SERPINB9: variants seen among roughly 807,000 people sequenced by gnomAD.
SERPINB9 encodes the protein serpin family B member 9, also known as serpin B9.
Under a neutral mutation model 27.2 loss-of-function variants are expected in SERPINB9, and 20 were observed. The ratio of observed to expected loss-of-function variants is 0.74; its 90% CI spans 0.52 to 1.07. The LOEUF (loss-of-function observed/expected upper bound fraction) is 1.07. SERPINB9 is among the 50% of genes least tolerant of loss of function. The pLI, the probability that SERPINB9 is intolerant of heterozygous loss-of-function variation, is 0.00. For synonymous variants in SERPINB9, 189 were observed against 180.0 expected (o/e 1.05, Z -0.40); for missense variants, 476 against 460.1 (o/e 1.03, Z -0.32).
At chr6:2,902,046 G>T (rs1225463006) in intron 1 of SERPINB9, among the ~76,000 whole-genome samples, 3 of 152,080 alleles carry the variant, frequency 2.0e-5, no homozygotes, top group Non-Finnish European at 4.4e-5. Flanking sequence ...GCCGCTCAAA[G>T]CCACCTTGTT....
intron 2 of SERPINB9, among the ~76,000 whole-genome samples, chr6:2,899,462 C>T (rs1345167673): frequency 5.3e-5 from 8 of 152,166 alleles, no homozygotes; most frequent in South Asian, 2.1e-4. Flanking sequence ...ACATCACCTT[C>T]GTTATTGATC....
chr6:2,892,506 A>G (rs1767845901), intron 5 of SERPINB9, among the ~76,000 whole-genome samples: 1 of 152,210 alleles, frequency 6.6e-6, no homozygotes, highest in African/African-American at 2.4e-5. Context: ...TTTTAACCCA[A>G]TCTTTTCAAT....
rs1767898587 is a variant in SERPINB9, at chr6:2,893,569, G to C, written c.425-16C>G. 2 of 1,609,754 alleles carry C rather than the reference G, an allele frequency of 1.2e-6. No homozygotes were observed. The highest frequency in any genetic ancestry group is 1.1e-5 in the South Asian group (1 of 90,464). On this transcript the variant is annotated splice_polypyrimidine_tract_variant and intron_variant, in intron 4 of 6. Coordinates refer to ENST00000380698, the MANE Select transcript of SERPINB9 (RefSeq NM_004155.6). ...TCAATTTTACCTTTCAAGAAAAGTA[G>C]AGACTACATTCAGTTGCTTTTTATA...
chr6:2,896,311 G>A (rs1022605148), intron 2 of SERPINB9, 121 bp from the exon 3 acceptor site: 16 of 804,778 alleles, frequency 2.0e-5, no homozygotes, highest in Admixed American at 1.1e-4. Flanking sequence ...AATGGATCTC[G>A]CTTGTTTAAA....
chr6:2,888,511 G>T lies in SERPINB9; in HGVS notation c.*1652C>A, dbSNP rs1767668561. 6.6e-6 allele frequency: 1 copy of T among 152,188 alleles called. No individual in the cohort carries two copies. Among genetic ancestry groups the T allele is most frequent in the Non-Finnish European group, 1.5e-5 (1 of 68,026 alleles). The allele number at this position is 152,188 out of a possible 1,614,324, so 9.4% of individuals were successfully genotyped here. A position where few individuals can be genotyped will look rare whatever the true frequency, so the allele number is the denominator to read the frequency against. ...TACAATTTTATTTGGCCATAAAAAT[G>T]AAGTGTTGATACATGCTACTATGTA... On this transcript the variant is annotated 3_prime_UTR_variant, in exon 7 of 7. Transcript: ENST00000380698.
At chr6:2,892,101 ACACT>A in intron 5 of SERPINB9, 113 bp from the exon 6 acceptor site, 1 of 276,966 alleles carries the variant, frequency 3.6e-6, no homozygotes, top group South Asian at 3.8e-5. Context: ...GCCCCAGTTA[ACACT>A]AAAAAAAAAA....
rs922463838 is a variant in SERPINB9, at chr6:2,893,264, T to C, written c.567+147A>G. On this transcript the variant is annotated intron_variant, in intron 5 of 6. Transcript: ENST00000380698. ...ATATCTTTTACTCCTTCCGTTTTTT[T>C]CTACTGAGTTAAGAAATTCATTCAG... 1.1e-4 allele frequency: 55 copies of C among 515,836 alleles called. 1 individual carries two copies. The African/African-American group carries it at 1.1e-3, about 10-fold the overall frequency. 32.0% of individuals were successfully genotyped at this position (515,836 alleles called of 1,614,324 possible).
At chr6:2,893,262 T>C in intron 5 of SERPINB9, 149 bp downstream of exon 5, 1 of 494,598 alleles carries the variant, frequency 2.0e-6, no homozygotes, top group African/African-American at 3.0e-5. Flanking sequence ...CTTCCGTTTT[T>C]TTCTACTGAG....
At chr6:2,899,189 A>G (rs1432874014) in intron 2 of SERPINB9, among the ~76,000 whole-genome samples, 1 of 152,202 alleles carries the variant, frequency 6.6e-6, no homozygotes, top group Non-Finnish European at 1.5e-5. Flanking sequence ...TAAAACATAG[A>G]AAAAGATCAT....
Position 2,888,609 on chromosome 6 carries a change from A to C in SERPINB9, c.*1554T>G, listed in dbSNP as rs1478423292. The C allele has an allele frequency of 2.0e-5, 3 of 152,240 alleles. No individual in the cohort carries two copies. The highest frequency in any genetic ancestry group is 2.9e-5 in the Non-Finnish European group (2 of 68,050). 9.4% of individuals were successfully genotyped at this position (152,240 alleles called of 1,614,324 possible). A position where few individuals can be genotyped will look rare whatever the true frequency, so the allele number is the denominator to read the frequency against. On this transcript the variant is annotated 3_prime_UTR_variant, in exon 7 of 7. Transcript: ENST00000380698. Reference sequence around the variant, plus strand: ...GGTCTCATACAATTCAATTTATATAAAATAGCAAGAATAGATAAATCCATA... The same window carrying C: ...GGTCTCATACAATTCAATTTATATACAATAGCAAGAATAGATAAATCCATA...
At chr6:2,900,705 C>A in intron 1 of SERPINB9, 84 bp from the exon 2 acceptor site, 3 of 1,220,972 alleles carry the variant, frequency 2.5e-6, no homozygotes, top group Non-Finnish European at 1.1e-6. Flanking sequence ...ATTTTGGAAT[C>A]GTACTTTTTG....
rs1205755539 is a variant in SERPINB9 at position 2,894,555 on chromosome 6, C to A, written c.424+836G>T. Among the ~76,000 whole-genome samples, 2 of 152,078 alleles carry A rather than the reference C, an allele frequency of 1.3e-5. No homozygotes were observed. Among genetic ancestry groups the A allele is most frequent in the Non-Finnish European group, 2.9e-5 (2 of 68,014 alleles). On this transcript the variant is annotated intron_variant, in intron 4 of 6. Coordinates refer to ENST00000380698, the MANE Select transcript of SERPINB9 (RefSeq NM_004155.6). This position sits in a 1 kb window ranked among gnomAD's most constrained non-coding sequence, Gnocchi z 4.7. ...CATGAAAAGTCAGGAGTGACCTTAG[C>A]AGGTAAAGGTAATGGTGATGGAGGT...
chr6:2,900,674 T>C (rs1311234832), intron 1 of SERPINB9, 53 bp from the exon 2 acceptor site: 17 of 1,506,642 alleles, frequency 1.1e-5, no homozygotes, highest in African/African-American at 8.3e-5. Flanking sequence ...TGAATGTTAC[T>C]GACCTACTTA....
In SERPINB9 at chr6:2,890,616, T is replaced by C. The variant is rs769647847; in HGVS notation, c.724-46A>G. On this transcript the variant is annotated intron_variant, in intron 6 of 6. Transcript: ENST00000380698. The surrounding 1 kb of genome is among the most constrained non-coding windows in gnomAD (Gnocchi z 6.2). Reference sequence around the variant, plus strand: ...TTTAAGATTCCGACTTCAGTGCACATGTACAAGCGCACAGGCACTCACAGT... The same window carrying C: ...TTTAAGATTCCGACTTCAGTGCACACGTACAAGCGCACAGGCACTCACAGT... 1.3e-6 allele frequency: 2 copies of C among 1,557,238 alleles called. No individual in the cohort carries two copies. The highest frequency in any genetic ancestry group is 1.7e-6 in the Non-Finnish European group (2 of 1,144,306).
At chr6:2,895,553 A>C (rs767771813) in intron 3 of SERPINB9, 45 bp from the exon 4 acceptor site, 2 of 1,239,024 alleles carry the variant, frequency 1.6e-6, no homozygotes, top group Admixed American at 4.1e-5. Flanking sequence ...GCTAAATACA[A>C]ATGTCAGCAA....
In SERPINB9 at chr6:2,893,572, A is replaced by G. The variant is rs1286174622; in HGVS notation, c.425-19T>C. ...ATTTTACCTTTCAAGAAAAGTAGAG[A>G]CTACATTCAGTTGCTTTTTATAAGA... On this transcript the variant is annotated intron_variant, in intron 4 of 6. Transcript: ENST00000380698. 6.2e-7 allele frequency: 1 copy of G among 1,607,738 alleles called. No individual in the cohort carries two copies. The highest frequency in any genetic ancestry group is 1.1e-5 in the South Asian group (1 of 90,146).
At position 2,890,090 on chromosome 6, in the gene SERPINB9, C is replaced by T; in HGVS notation, c.*73G>A. Reference sequence around the variant, plus strand: ...TTTGCACTTGGCTTTCTAGGCCCATCCTCTTGGAGCTGTAGTGGGGATCTG... The same window carrying T: ...TTTGCACTTGGCTTTCTAGGCCCATTCTCTTGGAGCTGTAGTGGGGATCTG... On this transcript the variant is annotated 3_prime_UTR_variant, in exon 7 of 7. Transcript: ENST00000380698. The surrounding 1 kb of genome is among the most constrained non-coding windows in gnomAD (Gnocchi z 6.2). 1 of 1,482,520 alleles carries T rather than the reference C, an allele frequency of 6.7e-7. No individual in the cohort carries two copies. 91.8% of individuals were successfully genotyped at this position (1,482,520 alleles called of 1,614,324 possible). A position where few individuals can be genotyped will look rare whatever the true frequency, so the allele number is the denominator to read the frequency against.
intron 1 of SERPINB9, 48 bp from the exon 2 acceptor site, chr6:2,900,669 G>A: frequency 1.3e-6 from 2 of 1,524,258 alleles, no homozygotes; most frequent in Non-Finnish European, 1.8e-6. Flanking sequence ...CTCCCTGAAT[G>A]TTACTGACCT....
intron 5 of SERPINB9, among the ~76,000 whole-genome samples, chr6:2,892,558 G>C (rs1227914737): frequency 6.6e-6 from 1 of 151,838 alleles, no homozygotes; most frequent in Non-Finnish European, 1.5e-5. Flanking sequence ...ATACAGAAGA[G>C]GCATAAGCAC....
Sources: gnomAD v4.1 joint callset for allele counts (sites outside exome capture counted in the v4.1 genomes callset) on GRCh38, gnomAD v4.1.1 for gene constraint, Gnocchi (gnomAD v3.1) non-coding constraint, MANE v1.5 for transcripts, NCBI Gene and HGNC (gene_info 2026-07-23, HGNC 2026-07-21) for gene names.